Variants in DHRS9 observed in about 807,000 individuals in gnomAD.
DHRS9 encodes dehydrogenase/reductase 9.
DHRS9 carries 18 observed loss-of-function variants against 26.6 expected under a neutral mutation model. The ratio of observed to expected loss-of-function variants is 0.68; its 90% confidence interval spans 0.47 to 1.00. DHRS9 has a LOEUF of 1.00. DHRS9 is among the 50% of genes least tolerant of loss of function. DHRS9 has a pLI of 0.00. For synonymous variants in DHRS9, 134 were observed against 141.1 expected, an observed-to-expected ratio of 0.95 and a Z score of 0.36; for missense variants, 425 against 378.7, an observed-to-expected ratio of 1.12 and a Z score of -1.01.
In DHRS9 at chr2:169,095,702, G is replaced by A. The variant is rs1018809212; in HGVS notation, c.895G>A (p.Ala299Thr). Residue 299 changes from alanine (A) to threonine (T), a missense_variant, in exon 5 of 5, where the codon GCA becomes ACA. Transcript: ENST00000674881. ...IFWIPLSHMP[A>T]ALQDFLLLKQ... ...CTGGATACCTCTGTCTCACATGCCA[G>A]CAGCTTTGCAAGACTTTTTATTGTT... 1.9e-6 allele frequency: 3 copies of A among 1,613,828 alleles called. No homozygotes were observed. The highest frequency in any genetic ancestry group is 1.7e-5 in the Admixed American group (1 of 59,962).
In DHRS9 at chr2:169,083,448, A is replaced by T; in HGVS notation, c.433A>T (p.Thr145Ser). 1 of 1,614,138 alleles carries T rather than the reference A, an allele frequency of 6.2e-7. No homozygotes were observed. Among genetic ancestry groups the T allele is most frequent in the Non-Finnish European group, 8.5e-7 (1 of 1,180,010 alleles). ...GAACCTGTTTGGACTCATCAGTGTGACACTAAATATGCTTCCTTTGGTCAA... is the reference window on the plus strand; with the variant it reads ...GAACCTGTTTGGACTCATCAGTGTGTCACTAAATATGCTTCCTTTGGTCAA... ...EVNLFGLISV[T>S]LNMLPLVKKA... Residue 145 changes from threonine to serine, a missense_variant, in exon 3 of 5, where the codon ACA (threonine) becomes TCA (serine). Transcript: ENST00000674881.
At chr2:169,067,207 C>T, upstream of DHRS9, 5 of 1,535,618 alleles carry the variant, frequency 3.3e-6, no homozygotes, top group Non-Finnish European at 4.4e-6. Flanking sequence ...CCTGGTCAGC[C>T]TTACAAGAGT....
At chr2:169,091,756 CG>C in intron 3 of DHRS9, 33 bp from the exon 4 acceptor site, 1 of 1,549,936 alleles carries the variant, frequency 6.5e-7, no homozygotes, top group Non-Finnish European at 8.7e-7. Context: ...TAAACAAACC[CG>C]GATTAAACAT....
intron 2 of DHRS9, 133 bp downstream of exon 2, chr2:169,082,027 C>T: frequency 1.1e-6 from 1 of 934,056 alleles, no homozygotes; most frequent in African/African-American, 1.7e-5. Flanking sequence ...GTGTACTTCT[C>T]TAATCTTAGG....
chr2:169,069,256 T>C (rs1168464007), upstream of DHRS9, among the ~76,000 whole-genome samples: 1 of 152,084 alleles, frequency 6.6e-6, no homozygotes, highest in Non-Finnish European at 1.5e-5. Flanking sequence ...TGAAGAATAA[T>C]CACAATTTGA....
chr2:169,083,125 G>A (rs1168190965), intron 2 of DHRS9, among the ~76,000 whole-genome samples: 1 of 152,176 alleles, frequency 6.6e-6, no homozygotes, highest in Non-Finnish European at 1.5e-5. Context: ...ACCAGAAATA[G>A]AGTAACAGCG....
chr2:169,077,638 C>T (rs1307693481), intron 1 of DHRS9, among the ~76,000 whole-genome samples: 1 of 151,902 alleles, frequency 6.6e-6, no homozygotes, highest in Non-Finnish European at 1.5e-5. Context: ...TTTTTCCCAT[C>T]CAAATGTAGA....
upstream of DHRS9, among the ~76,000 whole-genome samples, chr2:169,067,790 A>G (rs938395173): frequency 6.6e-6 from 1 of 152,200 alleles, no homozygotes; most frequent in Non-Finnish European, 1.5e-5. Flanking sequence ...TGGATAAGAC[A>G]CTGCTAACAT....
chr2:169,081,106 T>A (rs1358688217), intron 1 of DHRS9: 1 of 988,270 alleles, frequency 1.0e-6, no homozygotes, highest in South Asian at 4.6e-5. Context: ...TTGTTTCTAA[T>A]AGATTTTAAG....
intron 1 of DHRS9, among the ~76,000 whole-genome samples, chr2:169,074,659 G>A (rs1314024469): frequency 1.3e-5 from 2 of 152,168 alleles, no homozygotes; most frequent in African/African-American, 4.8e-5. Flanking sequence ...TCTGACCCAG[G>A]TTGCTGCTCA....
At chr2:169,092,135 T>C (rs1684549698) in intron 4 of DHRS9, among the ~76,000 whole-genome samples, 182 bp downstream of exon 4, 1 of 152,268 alleles carries the variant, frequency 6.6e-6, no homozygotes, top group Admixed American at 6.5e-5. Flanking sequence ...AAACATTTAC[T>C]GAGCAATTAC....
At chr2:169,085,508 A>G (rs111538279) in intron 3 of DHRS9, among the ~76,000 whole-genome samples, 94 of 152,094 alleles carry the variant, frequency 6.2e-4, no homozygotes, top group African/African-American at 2.1e-3. Context: ...AATTTCTTTT[A>G]TCAATGTTTT....
intron 1 of DHRS9, among the ~76,000 whole-genome samples, chr2:169,079,917 G>GA (rs1684102056): frequency 2.1e-5 from 1 of 48,692 alleles, no homozygotes. Flanking sequence ...GAGGGAGGGA[G>GA]GGGGAGAGAG....
intron 1 of DHRS9, chr2:169,081,266 T>G: frequency 1.2e-6 from 1 of 805,136 alleles, no homozygotes; most frequent in Non-Finnish European, 1.7e-6. Context: ...CTTGTGTCAA[T>G]TTTGCCATGG....
rs775162358 is a variant in DHRS9, at chr2:169,083,528, C to T, written c.513C>T (p.Ile171=). 86 of 1,613,982 alleles carry T rather than the reference C, an allele frequency of 5.3e-5. 2 individuals carry two copies. The South Asian group carries it at 7.7e-4, about 14-fold the overall frequency. The change falls in exon 3 of 5, where the codon ATC becomes ATT. Residue 171 remains isoleucine, a synonymous_variant. Coordinates refer to ENST00000674881, the MANE Select transcript of DHRS9 (RefSeq NM_001376924.1). ...NVSSVGGRLA[I]VGGGYTPSKY... is the part of the protein sequence containing the mutation. ...CCAGTGTTGGAGGTCGCCTTGCAAT[C>T]GTTGGAGGGGGCTATACTCCATCCA...
chr2:169,078,095 A>G (rs1357232928), intron 1 of DHRS9, among the ~76,000 whole-genome samples: 2 of 152,214 alleles, frequency 1.3e-5, no homozygotes, highest in African/African-American at 4.8e-5. Context: ...TCTGTCTCCT[A>G]TAGTGGAAGG....
intron 3 of DHRS9, among the ~76,000 whole-genome samples, chr2:169,084,487 C>A (rs2105294462): frequency 6.6e-6 from 1 of 152,246 alleles, no homozygotes; most frequent in South Asian, 2.1e-4. Context: ...TTTCTCACAT[C>A]ATCATCAGCA....
At chr2:169,078,225 G>C (rs986498291) in intron 1 of DHRS9, among the ~76,000 whole-genome samples, 3 of 152,192 alleles carry the variant, frequency 2.0e-5, no homozygotes, top group Non-Finnish European at 4.4e-5. Context: ...AATGAGACCT[G>C]TGTGTGAAAG....
intron 3 of DHRS9, among the ~76,000 whole-genome samples, chr2:169,083,804 C>T (rs893247904): frequency 1.3e-5 from 2 of 152,002 alleles, no homozygotes; most frequent in African/African-American, 2.4e-5. Flanking sequence ...GTGGAGTATC[C>T]ATCACCTCAA....
Sources: allele counts gnomAD v4.1 joint callset (sites outside exome capture counted in the v4.1 genomes callset), GRCh38; gene constraint gnomAD v4.1.1; transcripts MANE v1.5; gene names NCBI Gene and HGNC (gene_info 2026-07-23, HGNC 2026-07-21).